The following KAZN variants were observed in gnomAD, a reference collection of about 807,000 sequenced individuals.
The protein encoded by KAZN is kazrin, periplakin interacting protein.
In KAZN, 40 loss-of-function variants were observed where a neutral mutation model predicts 87.4. The observed-to-expected ratio is 0.46, with a 90% confidence interval of 0.36 to 0.60. KAZN has a LOEUF of 0.60. KAZN is among the 20% of genes least tolerant of loss of function. The pLI is 0.00. For synonymous variants in KAZN, 466 were observed against 458.3 expected, an observed-to-expected ratio of 1.02 and a Z score of -0.22; for missense variants, 898 against 1,073.9, an observed-to-expected ratio of 0.84 and a Z score of 2.29.
At chr1:14,277,662 GAAAA>G in intron 2 of KAZN, among the ~76,000 whole-genome samples, 1 of 112,408 alleles carries the variant, frequency 8.9e-6, no homozygotes, top group South Asian at 3.1e-4. Context: ...ACTCCCTCTT[GAAAA>G]AAAAAAAAAA....
At chr1:14,867,724 A>ATGGGGGG in intron 1 of KAZN, among the ~76,000 whole-genome samples, 1 of 107,460 alleles carries the variant, frequency 9.3e-6, no homozygotes. Flanking sequence ...CTTTGAAGAC[A>ATGGGGGG]CCCCCCCCCC....
chr1:14,549,753 G>A (rs561188621), intron 2 of KAZN, among the ~76,000 whole-genome samples: 105 of 144,784 alleles, frequency 7.3e-4, no homozygotes, highest in Admixed American at 1.4e-3. Context: ...GCCTCAGTTC[G>A]GTCTTCCCAC....
At chr1:14,991,799 G>A (rs530128284) in intron 2 of KAZN, among the ~76,000 whole-genome samples, 19 of 152,324 alleles carry the variant, frequency 1.2e-4, no homozygotes, top group Admixed American at 1.2e-3. Context: ...GGTCCCACGT[G>A]TCTTAGTCTT....
intron 1 of KAZN, among the ~76,000 whole-genome samples, chr1:14,744,414 G>GT (rs1644204645): frequency 6.6e-6 from 1 of 151,942 alleles, no homozygotes; most frequent in Non-Finnish European, 1.5e-5. Flanking sequence ...TTTTGTTTTT[G>GT]TTTTTTTGTT....
At chr1:14,537,836 C>T (rs145679015) in intron 2 of KAZN, among the ~76,000 whole-genome samples, 2 of 152,310 alleles carry the variant, frequency 1.3e-5, no homozygotes, top group East Asian at 1.9e-4. Context: ...AGATGAGTAT[C>T]TAGCCCCCTG....
At chr1:14,629,354 C>T (rs1679390032) in intron 1 of KAZN, among the ~76,000 whole-genome samples, 1 of 152,218 alleles carries the variant, frequency 6.6e-6, no homozygotes, top group African/African-American at 2.4e-5. Context: ...ATTCCAGCAG[C>T]AGCTCCTGTC....
At chr1:14,814,785 C>T (rs1393152708) in intron 1 of KAZN, among the ~76,000 whole-genome samples, 6 of 152,128 alleles carry the variant, frequency 3.9e-5, no homozygotes, top group South Asian at 4.2e-4. Flanking sequence ...CATTTGTGAC[C>T]GTGGGAAGTT....
rs540905926 is a variant in KAZN, at chr1:14,634,490, T to C, written c.226+35267T>C. On this transcript the variant is annotated intron_variant, in intron 1 of 14. Coordinates refer to ENST00000376030, the MANE Select transcript of KAZN (RefSeq NM_201628.3). ...GAAGCCTGCAGCACTGCAAATAAGG[T>C]CCATCATTGCTTCTCATTTCTGATC... Among the ~76,000 whole-genome samples, 27 of 152,344 alleles carry C rather than the reference T, an allele frequency of 1.8e-4. 1 individual carries two copies. In the South Asian group the frequency reaches 5.6e-3, roughly 32 times the overall value.
At chr1:15,093,329 G>T (rs1640642269) in intron 8 of KAZN, among the ~76,000 whole-genome samples, 1 of 152,076 alleles carries the variant, frequency 6.6e-6, no homozygotes, top group Non-Finnish European at 1.5e-5. Context: ...GTCTCTAGGT[G>T]GTGTCGATCT....
chr1:14,680,019 G>C (rs1468507932), intron 1 of KAZN, among the ~76,000 whole-genome samples: 2 of 152,092 alleles, frequency 1.3e-5, no homozygotes, highest in East Asian at 1.9e-4. Flanking sequence ...CATGCAACTC[G>C]CCTGTGGAAT....
intron 2 of KAZN, among the ~76,000 whole-genome samples, chr1:14,293,632 A>G (rs948695789): frequency 6.6e-6 from 1 of 151,836 alleles, no homozygotes; most frequent in Non-Finnish European, 1.5e-5. Flanking sequence ...TTCAATTTTC[A>G]TGAGCATGTT....
intron 1 of KAZN, among the ~76,000 whole-genome samples, chr1:14,009,279 G>A (rs568478804): frequency 7.9e-5 from 12 of 152,264 alleles, no homozygotes; most frequent in African/African-American, 2.4e-4. Context: ...ATATGTACAC[G>A]TAAGTCTTTG....
At chr1:14,514,440 C>A (rs1344173335) in intron 2 of KAZN, among the ~76,000 whole-genome samples, 4 of 7,400 alleles carry the variant, frequency 5.4e-4, no homozygotes, top group Non-Finnish European at 8.6e-4. Context: ...TATATAATTG[C>A]AAAATATATA....
At chr1:14,550,313 TG>T (rs1285193385) in intron 2 of KAZN, among the ~76,000 whole-genome samples, 1 of 151,970 alleles carries the variant, frequency 6.6e-6, no homozygotes, top group East Asian at 1.9e-4. Flanking sequence ...AACACAGTAA[TG>T]CAAAAGAGAA....
At chr1:14,753,104 C>T (rs571448720) in intron 1 of KAZN, among the ~76,000 whole-genome samples, 10 of 152,272 alleles carry the variant, frequency 6.6e-5, no homozygotes, top group Middle Eastern at 3.4e-3. Context: ...AGGTCAATTG[C>T]CGACTGTTTA....
In KAZN at chr1:15,112,556, G is replaced by T; in HGVS notation, c.2163+15G>T. 6.4e-7 allele frequency: 1 copy of T among 1,561,732 alleles called. No homozygotes were observed. The highest frequency in any genetic ancestry group is 2.3e-5 in the East Asian group (1 of 43,476). On this transcript the variant is annotated intron_variant, in intron 14 of 14. Transcript: ENST00000376030. ...AGGCTGGCCGGGTAAGTCTCTCAATGGATTTACCTGTGAGTCCTGCAGACC... is the reference window on the plus strand; with the variant it reads ...AGGCTGGCCGGGTAAGTCTCTCAATTGATTTACCTGTGAGTCCTGCAGACC...
At chr1:14,459,819 T>TAGAAAGGA (rs1460101156) in intron 2 of KAZN, among the ~76,000 whole-genome samples, 1 of 152,162 alleles carries the variant, frequency 6.6e-6, no homozygotes, top group Non-Finnish European at 1.5e-5. Flanking sequence ...ATTTTCACAA[T>TAGAAAGGA]AGAAAGGAAG....
intron 1 of KAZN, among the ~76,000 whole-genome samples, chr1:14,623,162 C>T (rs1184956830): frequency 6.6e-6 from 1 of 152,070 alleles, no homozygotes; most frequent in Non-Finnish European, 1.5e-5. Flanking sequence ...GCCATAAAGA[C>T]ACATGCATGC....
At chr1:13,977,174 T>A (rs1638404063) in intron 1 of KAZN, among the ~76,000 whole-genome samples, 1 of 152,200 alleles carries the variant, frequency 6.6e-6, no homozygotes, top group Admixed American at 6.5e-5. Flanking sequence ...TTTGTTCTTG[T>A]TTTTTCAACT....
Sources: gnomAD v4.1 joint callset for allele counts (sites outside exome capture counted in the v4.1 genomes callset) on GRCh38, gnomAD v4.1.1 for gene constraint, MANE v1.5 for transcripts, NCBI Gene and HGNC (gene_info 2026-07-23, HGNC 2026-07-21) for gene names.